The following ERC2 variants were observed in gnomAD, a reference collection of about 807,000 sequenced individuals.
ERC2 encodes the protein ELKS/RAB6-interacting/CAST family member 2.
A neutral mutation model predicts 114.8 loss-of-function variants in ERC2; 42 were observed. The ratio of observed to expected loss-of-function variants is 0.37; its 90% CI spans 0.29 to 0.47. ERC2 has a LOEUF of 0.47. Among genes scored for constraint, ERC2 ranks in the 20% least tolerant of loss-of-function variants. The pLI is 0.99. For synonymous variants in ERC2, 454 were observed against 425.5 expected, an observed-to-expected ratio of 1.07 and a Z score of -0.82; for missense variants, 939 against 1,150.7, an observed-to-expected ratio of 0.82 and a Z score of 2.66.
intron 2 of ERC2, among the ~76,000 whole-genome samples, chr3:56,359,321 A>G (rs2150552776): frequency 6.6e-6 from 1 of 152,368 alleles, no homozygotes. Flanking sequence ...TATACAGCTT[A>G]GAAATAAGAT....
chr3:55,532,283 T>C (rs2053716167), intron 17 of ERC2, among the ~76,000 whole-genome samples: 1 of 152,206 alleles, frequency 6.6e-6, no homozygotes, highest in South Asian at 2.1e-4. Flanking sequence ...TTTCACTGCC[T>C]TGATCAGAGC....
chr3:56,307,841 C>T (rs1426244765), intron 2 of ERC2, among the ~76,000 whole-genome samples: 2 of 149,204 alleles, frequency 1.3e-5, no homozygotes, highest in African/African-American at 5.1e-5. Flanking sequence ...CACACACACA[C>T]ACACACACAC....
At chr3:55,931,849 T>C (rs1467849916) in intron 13 of ERC2, among the ~76,000 whole-genome samples, 1 of 152,222 alleles carries the variant, frequency 6.6e-6, no homozygotes, top group Non-Finnish European at 1.5e-5. Flanking sequence ...TACATGAGTG[T>C]TGGCTCAAAG....
chr3:56,391,903 C>T (rs1281358219), intron 2 of ERC2, among the ~76,000 whole-genome samples: 1 of 152,086 alleles, frequency 6.6e-6, no homozygotes, highest in African/African-American at 2.4e-5. Flanking sequence ...ATCATAATAT[C>T]CCAGATCATA....
intron 13 of ERC2, among the ~76,000 whole-genome samples, chr3:55,913,787 T>G (rs1383531619): frequency 2.0e-5 from 3 of 152,130 alleles, no homozygotes; most frequent in Admixed American, 2.0e-4. Context: ...TCCAGACTTT[T>G]CACACACAGT....
chr3:55,574,207 G>C (rs893809294), intron 17 of ERC2, among the ~76,000 whole-genome samples: 1 of 152,114 alleles, frequency 6.6e-6, no homozygotes, highest in Non-Finnish European at 1.5e-5. Context: ...CTTATCCAAG[G>C]CTTCACAGCT....
chr3:56,084,867 T>TAA (rs35491624), intron 6 of ERC2, among the ~76,000 whole-genome samples: 124 of 133,064 alleles, frequency 9.3e-4, no homozygotes, highest in South Asian at 8.0e-3. Context: ...ATTTAAAAAT[T>TAA]AAAAAAAAAA....
At chr3:55,839,181 T>C (rs140490659) in intron 14 of ERC2, among the ~76,000 whole-genome samples, 2 of 151,842 alleles carry the variant, frequency 1.3e-5, no homozygotes, top group African/African-American at 4.8e-5. Context: ...GGAGCAACAT[T>C]TTTAATATAC....
rs191019970 is a variant in ERC2, at chr3:56,192,139, C to T, written c.1075-18619G>A. Among the ~76,000 whole-genome samples, 755 of 143,594 alleles carry T rather than the reference C, an allele frequency of 5.3e-3. 24 individuals carry two copies. The East Asian group carries it at 0.082, about 16-fold the overall frequency. The allele number at this position is 143,594 out of a possible 152,430, so 94.2% of individuals were successfully genotyped here. On this transcript the variant is annotated intron_variant, in intron 3 of 17. Coordinates refer to ENST00000288221, the MANE Select transcript of ERC2 (RefSeq NM_015576.3). ...CTTTCCTCTTAGCCATTATTACCTA[C>T]ATCTCTCCAACATTCTTCATGCATG...
At chr3:55,875,724 A>ACACACACACACT (rs1491351730) in intron 14 of ERC2, among the ~76,000 whole-genome samples, 4 of 141,024 alleles carry the variant, frequency 2.8e-5, no homozygotes, top group East Asian at 4.2e-4. Context: ...ACACACACAC[A>ACACACACACACT]CTCTCTCTCT....
chr3:55,790,840 G>T (rs62249348), intron 14 of ERC2, among the ~76,000 whole-genome samples: 14,520 of 152,226 alleles, frequency 0.095, 1,145 homozygotes, highest in African/African-American at 0.21. Flanking sequence ...AAACATTCAA[G>T]GAACCCTTGT....
chr3:55,873,227 A>G (rs2062666788), intron 14 of ERC2, among the ~76,000 whole-genome samples: 1 of 152,164 alleles, frequency 6.6e-6, no homozygotes, highest in Non-Finnish European at 1.5e-5. Context: ...AAAGAGGGTC[A>G]TGCTTCTAGT....
At chr3:56,236,278 AT>A (rs11337314) in intron 3 of ERC2, among the ~76,000 whole-genome samples, 42,893 of 150,672 alleles carry the variant, frequency 0.28, 6,532 homozygotes, top group Non-Finnish European at 0.33. Context: ...ATTTCGATAC[AT>A]TTTTTTTTTC....
chr3:55,704,253 T>A (rs1283084600), intron 15 of ERC2, among the ~76,000 whole-genome samples: 1 of 152,230 alleles, frequency 6.6e-6, no homozygotes, highest in African/African-American at 2.4e-5. Context: ...AATGGCAATA[T>A]GGAGTGATAA....
chr3:55,754,865 A>G (rs986748374), intron 14 of ERC2, among the ~76,000 whole-genome samples: 108 of 152,254 alleles, frequency 7.1e-4, no homozygotes, highest in African/African-American at 2.5e-3. Context: ...TAAAGTATCT[A>G]TAACCCATAA....
intron 5 of ERC2, among the ~76,000 whole-genome samples, chr3:56,146,950 A>T (rs1179123488): frequency 6.6e-6 from 1 of 152,254 alleles, no homozygotes; most frequent in Non-Finnish European, 1.5e-5. Context: ...ACGTGGGCTA[A>T]TAAAGGTCAT....
chr3:56,424,976 T>A (rs2061511327), intron 2 of ERC2, among the ~76,000 whole-genome samples: 1 of 152,184 alleles, frequency 6.6e-6, no homozygotes, highest in African/African-American at 2.4e-5. Flanking sequence ...ATGATTGACT[T>A]CTTAAGTTCT....
Position 55,658,847 on chromosome 3 carries a change from C to G in ERC2, c.*39+24947G>C, listed in dbSNP as rs1457059950. On this transcript the variant is annotated intron_variant, in intron 17 of 17. Transcript: ENST00000288221. ...CAGGCCCACAAGCTCTTCCCCAAGCCCAGTCCCAGCTGACAGGCAGGCGTG... is the reference window on the plus strand; with the variant it reads ...CAGGCCCACAAGCTCTTCCCCAAGCGCAGTCCCAGCTGACAGGCAGGCGTG... The G allele has an allele frequency of 4.6e-5, 7 of 152,814 alleles. No homozygotes were observed. The South Asian group carries it at 8.3e-4, about 18-fold the overall frequency. 9.5% of individuals were successfully genotyped at this position (152,814 alleles called of 1,614,324 possible).
chr3:56,307,777 G>A (rs1374276760), intron 2 of ERC2, among the ~76,000 whole-genome samples: 1 of 151,834 alleles, frequency 6.6e-6, no homozygotes, highest in Non-Finnish European at 1.5e-5. Context: ...TGGAAAGGAA[G>A]GGTTCTATTG....
Sources: allele counts gnomAD v4.1 joint callset (sites outside exome capture counted in the v4.1 genomes callset), GRCh38; gene constraint gnomAD v4.1.1; transcripts MANE v1.5; gene names NCBI Gene and HGNC (gene_info 2026-07-23, HGNC 2026-07-21).